The following CLDN16 variants were observed in gnomAD, a reference collection of about 807,000 sequenced individuals.
CLDN16 encodes claudin 16.
CLDN16 carries 13 observed loss-of-function variants against 24.6 expected under a neutral mutation model. The ratio of observed to expected loss-of-function variants is 0.53; its 90% CI spans 0.34 to 0.84. The LOEUF is 0.84. CLDN16 is among the 40% of genes least tolerant of loss of function. The pLI is 0.01. For missense variants in CLDN16, 298 were observed against 292.7 expected, an observed-to-expected ratio of 1.02 and a Z score of -0.13; for synonymous variants, 116 against 106.7, an observed-to-expected ratio of 1.09 and a Z score of -0.54.
the CLDN16 span, among the ~76,000 whole-genome samples, chr3:190,303,694 C>A: frequency 6.6e-6 from 1 of 152,182 alleles, no homozygotes; most frequent in African/African-American, 2.4e-5. Context: ...TAAATAACAA[C>A]TTACCCTCCT....
At chr3:190,376,747 A>T (rs10937431) in intron 3 of CLDN16, among the ~76,000 whole-genome samples, 84,949 of 151,720 alleles carry the variant, frequency 0.56, 24,105 homozygotes, top group African/African-American at 0.64. Context: ...CATCCTGGTA[A>T]GGAGAAGAGA....
exon 1 of CLDN16, chr3:190,322,641 C>G: frequency 3.9e-6 from 1 of 258,158 alleles, no homozygotes; most frequent in South Asian, 4.4e-5. Flanking sequence ...CTCGCTTTCT[C>G]TCGTGGATCT....
intron 2 of CLDN16, among the ~76,000 whole-genome samples, chr3:190,403,788 C>T (rs1321660840): frequency 1.3e-5 from 2 of 152,050 alleles, no homozygotes; most frequent in African/African-American, 4.8e-5. Context: ...AATTCTTTTT[C>T]TTTTCCCCTC....
chr3:190,352,154 T>TTA (rs1560085513), intron 1 of CLDN16, among the ~76,000 whole-genome samples: 1 of 150,972 alleles, frequency 6.6e-6, no homozygotes, highest in African/African-American at 2.4e-5. Context: ...TTTTTTTTTT[T>TTA]AAAAAAAGAC....
chr3:190,325,985 G>A lies in CLDN16; in HGVS notation n.121+3324G>A, dbSNP rs975299904. On this transcript the variant is annotated intron_variant and non_coding_transcript_variant, in intron 1 of 4. Coordinates refer to the CLDN16 transcript ENST00000468220. ...GTGACTGACACAACCTTTTAAAATG[G>A]CCCTTTGAAGCTCCTTGGAGTCTTT... Among the ~76,000 whole-genome samples the A allele has an allele frequency of 5.9e-5, 9 of 152,248 alleles. No homozygotes were observed. In the East Asian group the frequency reaches 1.7e-3, roughly 29 times the overall value.
chr3:190,376,110 A>G (rs983354579), intron 3 of CLDN16, among the ~76,000 whole-genome samples: 1 of 151,868 alleles, frequency 6.6e-6, no homozygotes, highest in Non-Finnish European at 1.5e-5. Flanking sequence ...CACAATTCTC[A>G]AAGGAATCCA....
At chr3:190,351,191 T>C (rs929613645) in intron 1 of CLDN16, among the ~76,000 whole-genome samples, 3 of 151,928 alleles carry the variant, frequency 2.0e-5, no homozygotes, top group Admixed American at 6.6e-5. Flanking sequence ...GGAAGCTTCC[T>C]GAGTCCCTCA....
chr3:190,332,754 A>G (rs1717210702), intron 1 of CLDN16, among the ~76,000 whole-genome samples: 1 of 150,284 alleles, frequency 6.7e-6, no homozygotes, highest in Non-Finnish European at 1.5e-5. Context: ...AGATTATTTA[A>G]TCAGGTATAG....
At chr3:190,302,977 T>A in the CLDN16 span, among the ~76,000 whole-genome samples, 1 of 151,692 alleles carries the variant, frequency 6.6e-6, no homozygotes, top group Non-Finnish European at 1.5e-5. Flanking sequence ...GCTAGAGAAA[T>A]CACATCAAAT....
At chr3:190,350,591 G>A (rs1577405510) in intron 1 of CLDN16, among the ~76,000 whole-genome samples, 1 of 152,244 alleles carries the variant, frequency 6.6e-6, no homozygotes, top group South Asian at 2.1e-4. Context: ...GAATGTACAA[G>A]GATGAATTTC....
the CLDN16 span, among the ~76,000 whole-genome samples, chr3:190,290,768 A>G: frequency 6.6e-6 from 1 of 152,230 alleles, no homozygotes; most frequent in East Asian, 1.9e-4. Flanking sequence ...AAATTATATC[A>G]AAGTAGTGAA....
chr3:190,382,437 A>C (rs938924127), intron 3 of CLDN16, among the ~76,000 whole-genome samples: 1 of 152,164 alleles, frequency 6.6e-6, no homozygotes, highest in African/African-American at 2.4e-5. Flanking sequence ...ATGCATAAAC[A>C]GCATACTATT....
At position 190,392,969 on chromosome 3, in the gene CLDN16, A is replaced by G. The variant is rs558782659; in HGVS notation, c.114+4526A>G. Reference sequence around the variant, plus strand: ...AGAGATTGGAAGGGTAAAATGAGGTATGGGGAGAACAACTAGGAGACTTTT... The same window carrying G: ...AGAGATTGGAAGGGTAAAATGAGGTGTGGGGAGAACAACTAGGAGACTTTT... On this transcript the variant is annotated intron_variant, in intron 1 of 4. Transcript: ENST00000264734. 5.9e-5 allele frequency among the ~76,000 whole-genome samples: 9 copies of G among 152,272 alleles called. No homozygotes were observed. The East Asian group carries it at 1.5e-3, about 26-fold the overall frequency.
chr3:190,348,295 AAGAT>A (rs1717597991), intron 1 of CLDN16, among the ~76,000 whole-genome samples: 2 of 149,660 alleles, frequency 1.3e-5, no homozygotes, highest in South Asian at 4.2e-4. Context: ...AAAAAAAAAA[AAGAT>A]GAGACCACAA....
chr3:190,332,147 A>G (rs1448957816), intron 1 of CLDN16, among the ~76,000 whole-genome samples: 2 of 152,192 alleles, frequency 1.3e-5, no homozygotes, highest in African/African-American at 4.8e-5. Context: ...TCTGAGTTTG[A>G]AGAATAAAGA....
intron 1 of CLDN16, among the ~76,000 whole-genome samples, chr3:190,360,830 T>C (rs1717872246): frequency 6.6e-6 from 1 of 151,946 alleles, no homozygotes; most frequent in African/African-American, 2.4e-5. Context: ...AGAATATACA[T>C]TCTTAGATTA....
At chr3:190,393,253 G>A (rs1718725515) in intron 1 of CLDN16, among the ~76,000 whole-genome samples, 1 of 152,184 alleles carries the variant, frequency 6.6e-6, no homozygotes, top group Non-Finnish European at 1.5e-5. Context: ...CCTTCATGGA[G>A]CAATGTCCCT....
chr3:190,353,706 C>A (rs1385093263), intron 1 of CLDN16, among the ~76,000 whole-genome samples: 3 of 152,124 alleles, frequency 2.0e-5, no homozygotes, highest in Non-Finnish European at 4.4e-5. Context: ...CTTTACCAGA[C>A]CTTTCTGTAT....
rs968906940 is a variant in CLDN16 at position 190,404,780 on chromosome 3, G to T, written c.236G>T (p.Arg79Leu). 1 of 1,613,900 alleles carries T rather than the reference G, an allele frequency of 6.2e-7. No homozygotes were observed. The highest frequency in any genetic ancestry group is 8.5e-7 in the Non-Finnish European group (1 of 1,180,020). Residue 79 changes from arginine (R) to leucine (L), a missense_variant, in exon 3 of 5, where the codon CGA becomes CTA. Coordinates refer to ENST00000264734, the MANE Select transcript of CLDN16 (RefSeq NM_006580.4). ...AEHPLKLVVTRALMITADILA... is the reference protein window; with the variant it reads ...AEHPLKLVVTLALMITADILA... ...CTTCCAGTGAAGCTGGTGGTAACTC[G>T]AGCGTTGATGATTACTGCAGATATT...
Sources: gnomAD v4.1 joint callset for allele counts (sites outside exome capture counted in the v4.1 genomes callset) on GRCh38, gnomAD v4.1.1 for gene constraint, MANE v1.5 for transcripts, NCBI Gene and HGNC (gene_info 2026-07-23, HGNC 2026-07-21) for gene names.